The following LRP1B variants were observed in gnomAD, a reference collection of about 807,000 sequenced individuals.
The protein encoded by LRP1B is low-density lipoprotein receptor-related protein 1B.
Under a neutral mutation model 556.6 loss-of-function variants are expected in LRP1B, and 217 were observed. That is an observed-to-expected ratio of 0.39 (90% CI 0.35 to 0.44). The LOEUF (loss-of-function observed/expected upper bound fraction) is 0.44. LRP1B is among the 20% of genes least tolerant of loss of function. The pLI is 1.00. For synonymous variants in LRP1B, 2,047 were observed against 1,865.8 expected (o/e 1.10, Z -2.50); for missense variants, 5,053 against 5,620.8 (o/e 0.90, Z 3.23).
rs867094812 is a variant in LRP1B at position 141,618,837 on chromosome 2, A to C, written c.206-138304T>G. Among the ~76,000 whole-genome samples the C allele has an allele frequency of 2.0e-5, 3 of 152,338 alleles. No homozygotes were observed. In the Middle Eastern group the frequency reaches 0.01, roughly 518 times the overall value. ...AGGATTAAAGTGGGTAACTGAATTA[A>C]GGGAGTCCATCTGGAGGCTGAGCCT... On this transcript the variant is annotated intron_variant, in intron 2 of 90. Transcript: ENST00000389484.
chr2:140,400,665 G>A (rs1208064551), intron 66 of LRP1B, among the ~76,000 whole-genome samples: 1 of 152,152 alleles, frequency 6.6e-6, no homozygotes, highest in Non-Finnish European at 1.5e-5. Flanking sequence ...ATAACGTGTA[G>A]AGATTCACAG....
At chr2:140,428,899 G>T (rs944981303) in intron 66 of LRP1B, among the ~76,000 whole-genome samples, 1 of 151,938 alleles carries the variant, frequency 6.6e-6, no homozygotes, top group Non-Finnish European at 1.5e-5. Flanking sequence ...CCCTTATTAG[G>T]CTGAGATATT....
intron 2 of LRP1B, among the ~76,000 whole-genome samples, chr2:141,623,035 T>A (rs1328380650): frequency 6.6e-6 from 1 of 152,220 alleles, no homozygotes; most frequent in African/African-American, 2.4e-5. Flanking sequence ...AACTTGTCCT[T>A]GAAGACTACG....
intron 2 of LRP1B, among the ~76,000 whole-genome samples, chr2:141,503,111 G>A (rs1190702290): frequency 2.7e-5 from 4 of 148,584 alleles, no homozygotes; most frequent in Non-Finnish European, 5.9e-5. Flanking sequence ...AAGAAAATAT[G>A]AGTTTACTTT....
Position 140,676,167 on chromosome 2 carries a change from A to G in LRP1B, c.6799+24083T>C, listed in dbSNP as rs191837069. On this transcript the variant is annotated intron_variant, in intron 41 of 90. Coordinates refer to ENST00000389484, the MANE Select transcript of LRP1B (RefSeq NM_018557.3). ...GGGAGGAGTTATTCCAGAGTTCACA[A>G]GTATAAAAAATTTTCTTGACCTAGC... Among the ~76,000 whole-genome samples the G allele has an allele frequency of 2.6e-3, 391 of 152,330 alleles. 5 individuals are homozygous for G. Among genetic ancestry groups the G allele is most frequent in the African/African-American group, 8.7e-3 (360 of 41,580 alleles).
At chr2:141,604,441 A>T (rs1218456360) in intron 2 of LRP1B, among the ~76,000 whole-genome samples, 5 of 152,116 alleles carry the variant, frequency 3.3e-5, no homozygotes, top group Admixed American at 1.3e-4. Flanking sequence ...CTAGGCAGAG[A>T]GGGGTGGGTC....
intron 66 of LRP1B, among the ~76,000 whole-genome samples, chr2:140,411,218 T>C (rs1240314169): frequency 1.3e-5 from 2 of 152,136 alleles, no homozygotes; most frequent in African/African-American, 2.4e-5. Context: ...TACATCTGAA[T>C]GAGAACATAT....
chr2:141,050,621 AC>A (rs1353150291), intron 10 of LRP1B, among the ~76,000 whole-genome samples: 1 of 152,106 alleles, frequency 6.6e-6, no homozygotes, highest in African/African-American at 2.4e-5. Context: ...TACACCTTAT[AC>A]AAAAATTAAC....
At chr2:141,182,740 A>G (rs1032395651) in intron 7 of LRP1B, among the ~76,000 whole-genome samples, 1 of 151,828 alleles carries the variant, frequency 6.6e-6, no homozygotes, top group Admixed American at 6.6e-5. Flanking sequence ...AACAATGGGG[A>G]TGTGCATCTG....
chr2:140,610,022 G>T (rs1459994398), intron 41 of LRP1B, among the ~76,000 whole-genome samples: 1 of 150,142 alleles, frequency 6.7e-6, no homozygotes, highest in African/African-American at 2.4e-5. Flanking sequence ...TCTTTTCAGG[G>T]CTTCCATCTA....
chr2:141,715,935 A>G (rs752823936), intron 2 of LRP1B, among the ~76,000 whole-genome samples: 1 of 152,200 alleles, frequency 6.6e-6, no homozygotes, highest in Non-Finnish European at 1.5e-5. Flanking sequence ...TGACAAGTTT[A>G]CCTTTTTGTA....
At chr2:140,400,636 T>G (rs946186749) in intron 66 of LRP1B, among the ~76,000 whole-genome samples, 4 of 152,206 alleles carry the variant, frequency 2.6e-5, no homozygotes, top group Admixed American at 6.5e-5. Flanking sequence ...AGCATGTCTC[T>G]TCCACTTGGA....
chr2:141,486,034 T>G (rs1337110229), intron 2 of LRP1B, among the ~76,000 whole-genome samples: 2 of 152,106 alleles, frequency 1.3e-5, no homozygotes, highest in African/African-American at 4.8e-5. Flanking sequence ...CACTAAACAT[T>G]TTTAGCAAGT....
At chr2:140,907,181 T>C (rs1694282054) in intron 22 of LRP1B, among the ~76,000 whole-genome samples, 1 of 152,072 alleles carries the variant, frequency 6.6e-6, no homozygotes, top group African/African-American at 2.4e-5. Context: ...TATCTATTGA[T>C]GTCACCTTCA....
intron 7 of LRP1B, among the ~76,000 whole-genome samples, chr2:141,174,117 T>G (rs1277705663): frequency 1.3e-5 from 2 of 152,094 alleles, no homozygotes. Context: ...AATGTGTATT[T>G]AAAGTCCAAG....
At chr2:140,601,349 TA>T (rs1237133782) in intron 42 of LRP1B, 100 bp downstream of exon 42, 16 of 1,054,950 alleles carry the variant, frequency 1.5e-5, no homozygotes, top group African/African-American at 3.3e-5. Flanking sequence ...AAACTTCAAA[TA>T]AAAACTTTAT....
intron 1 of LRP1B, among the ~76,000 whole-genome samples, chr2:141,979,032 A>C (rs934963888): frequency 6.6e-6 from 1 of 151,970 alleles, no homozygotes; most frequent in Non-Finnish European, 1.5e-5. Context: ...TTTGAGAATT[A>C]AAAAAAGATG....
At chr2:140,964,486 C>T (rs533979208) in intron 18 of LRP1B, among the ~76,000 whole-genome samples, 3 of 152,178 alleles carry the variant, frequency 2.0e-5, no homozygotes, top group Admixed American at 1.3e-4. Flanking sequence ...GACCATGATC[C>T]GCTTGGTGAC....
chr2:140,611,770 A>C (rs1301085467), intron 41 of LRP1B, among the ~76,000 whole-genome samples: 2 of 152,106 alleles, frequency 1.3e-5, no homozygotes, highest in Non-Finnish European at 2.9e-5. Context: ...AATTACATAC[A>C]CATAATAAAT....
Sources: gnomAD v4.1 joint callset for allele counts (sites outside exome capture counted in the v4.1 genomes callset) on GRCh38, gnomAD v4.1.1 for gene constraint, MANE v1.5 for transcripts, NCBI Gene and HGNC (gene_info 2026-07-23, HGNC 2026-07-21) for gene names.